Variants in MTAP observed in about 807,000 individuals in gnomAD.
The protein encoded by MTAP is S-methyl-5'-thioadenosine phosphorylase.
A neutral mutation model predicts 33.6 loss-of-function variants in MTAP; 33 were observed. The ratio of observed to expected loss-of-function variants is 0.98; its 90% confidence interval spans 0.74 to 1.31. The LOEUF is 1.31. MTAP is among the 40% of genes most tolerant of loss of function. The pLI is 0.00. For synonymous variants in MTAP, 148 were observed against 125.7 expected (o/e 1.18, Z -1.19); for missense variants, 367 against 360.0 (o/e 1.02, Z -0.16).
At chr9:21,852,509 C>CAA (rs10628807) in intron 5 of MTAP, among the ~76,000 whole-genome samples, 17,732 of 114,348 alleles carry the variant, frequency 0.16, 2,105 homozygotes, top group African/African-American at 0.34. Flanking sequence ...GACTCCATCT[C>CAA]AAAAAAAAAA....
chr9:21,919,703 T>C (rs1433859201), intron 1 of MTAP, among the ~76,000 whole-genome samples: 1 of 152,180 alleles, frequency 6.6e-6, no homozygotes, highest in African/African-American at 2.4e-5. Context: ...TGAAATACAC[T>C]GACAAGGTGA....
intron 4 of MTAP, among the ~76,000 whole-genome samples, chr9:21,827,835 G>A (rs929495872): frequency 1.3e-5 from 2 of 152,144 alleles, no homozygotes; most frequent in Admixed American, 6.5e-5. Flanking sequence ...GTGTTTGGAG[G>A]TAATAGTTTA....
chr9:21,822,753 G>T (rs188073173), intron 4 of MTAP, among the ~76,000 whole-genome samples: 324 of 152,268 alleles, frequency 2.1e-3, no homozygotes, highest in African/African-American at 7.7e-3. Context: ...CATTATTATT[G>T]TGTGGGAGTC....
chr9:21,901,964 A>G (rs1181082364), intron 1 of MTAP, among the ~76,000 whole-genome samples: 1 of 152,244 alleles, frequency 6.6e-6, no homozygotes, highest in Non-Finnish European at 1.5e-5. Context: ...ACAGTGTTCA[A>G]AAGTAGAAAT....
chr9:21,815,441 A>C lies in MTAP; in HGVS notation c.42A>C (p.Ile14=). 6.3e-7 allele frequency: 1 copy of C among 1,597,104 alleles called. No homozygotes were observed. Among genetic ancestry groups the C allele is most frequent in the Non-Finnish European group, 8.6e-7 (1 of 1,169,582 alleles). ...GTCTTTTTCTCTCTTAGATTGGAAT[A>C]ATTGGTGGAACAGGCCTGGATGATC... ...GTTTTAVKIG[I]IGGTGLDDPE... Residue 14 remains isoleucine, a synonymous_variant, in exon 2 of 8, where the codon ATA becomes ATC. Transcript: ENST00000644715.
intron 1 of MTAP, among the ~76,000 whole-genome samples, chr9:21,895,532 G>T (rs1818276202): frequency 6.6e-6 from 1 of 152,238 alleles, no homozygotes; most frequent in Non-Finnish European, 1.5e-5. Flanking sequence ...CCCGGGAAAT[G>T]CCAGGGGTCG....
At position 21,876,292 on chromosome 9, in the gene MTAP, C is replaced by G. The variant is rs146763885; in HGVS notation, c.147+21422C>G. ...AGATGTTTGTCAAATGCATAGTTTG[C>G]AAATATTTTCTCCCATTCTATAGGT... On this transcript the variant is annotated intron_variant, in intron 1 of 1. Transcript: ENST00000577563. 1.8e-3 allele frequency among the ~76,000 whole-genome samples: 278 copies of G among 152,150 alleles called. 1 individual carries two copies. Among genetic ancestry groups the G allele is most frequent in the African/African-American group, 6.3e-3 (262 of 41,518 alleles).
chr9:21,889,927 T>C (rs1427963020), intron 1 of MTAP, among the ~76,000 whole-genome samples: 1 of 152,158 alleles, frequency 6.6e-6, no homozygotes, highest in Non-Finnish European at 1.5e-5. Flanking sequence ...AAGACAGCAT[T>C]AGCTGATACA....
chr9:21,896,290 G>T (rs1223411907), intron 1 of MTAP, among the ~76,000 whole-genome samples: 1 of 152,098 alleles, frequency 6.6e-6, no homozygotes, highest in Non-Finnish European at 1.5e-5. Context: ...AAGCAGGAAA[G>T]ATCTAAAATT....
intron 1 of MTAP, among the ~76,000 whole-genome samples, chr9:21,808,321 A>C (rs1003986824): frequency 6.6e-6 from 1 of 152,076 alleles, no homozygotes; most frequent in Admixed American, 6.6e-5. Context: ...ATGGTGGCTC[A>C]TGCCTGTAAT....
At chr9:21,903,944 G>A (rs1220200127) in intron 1 of MTAP, among the ~76,000 whole-genome samples, 1 of 152,140 alleles carries the variant, frequency 6.6e-6, no homozygotes. Flanking sequence ...TCTGTATCCC[G>A]GGTTCTTGCC....
chr9:21,819,069 G>T (rs186705523), intron 4 of MTAP, among the ~76,000 whole-genome samples: 10 of 151,832 alleles, frequency 6.6e-5, no homozygotes, highest in South Asian at 4.2e-4. Context: ...CCATGTTGTG[G>T]CAATTGACAG....
intron 1 of MTAP, among the ~76,000 whole-genome samples, chr9:21,902,395 T>G (rs1416428289): frequency 6.6e-6 from 1 of 152,242 alleles, no homozygotes; most frequent in East Asian, 1.9e-4. Flanking sequence ...GCATCTGGTA[T>G]TTTTAGCTCC....
chr9:21,929,678 C>T (rs1362966944), intron 1 of MTAP: 2 of 247,394 alleles, frequency 8.1e-6, no homozygotes, highest in Non-Finnish European at 1.7e-5. Flanking sequence ...TTACGTATTT[C>T]CTCTCAACAG....
Position 21,802,639 on chromosome 9 carries a change from C to T in MTAP, c.-110C>T, listed in dbSNP as rs559475414. 49 of 1,270,682 alleles carry T rather than the reference C, an allele frequency of 3.9e-5. 1 individual carries two copies. In the South Asian group the frequency reaches 5.7e-4, roughly 15 times the overall value. 78.7% of individuals were successfully genotyped at this position (1,270,682 alleles called of 1,614,324 possible). A position where few individuals can be genotyped will look rare whatever the true frequency, so the allele number is the denominator to read the frequency against. On this transcript the variant is annotated 5_prime_UTR_variant, in exon 1 of 8. Transcript: ENST00000644715. Reference sequence around the variant, plus strand: ...GGAGTCAAGGCCCGCCCCTGGTCTCCGCACTGCTCACTCCCGCGCAGTGAG... The same window carrying T: ...GGAGTCAAGGCCCGCCCCTGGTCTCTGCACTGCTCACTCCCGCGCAGTGAG...
downstream of MTAP, chr9:21,932,112 C>T (rs1818970054): frequency 2.0e-5 from 3 of 152,162 alleles, no homozygotes; most frequent in South Asian, 6.2e-4. Flanking sequence ...ACTCCAACTG[C>T]TTCTTCCCTC....
At position 21,879,106 on chromosome 9, in the gene MTAP, T is replaced by C. The variant is rs139455045; in HGVS notation, c.147+24236T>C. Among the ~76,000 whole-genome samples the C allele has an allele frequency of 3.1e-3, 470 of 152,294 alleles. 1 individual carries two copies. The highest frequency in any genetic ancestry group is 4.8e-3 in the Non-Finnish European group (325 of 68,018). ...CAATGTTGAGTTCAGGTCCTGAATA[T>C]GTTTGTTAATTTTCTTCCTTGATGT... is the stretch of plus-strand genomic sequence containing the variant. On this transcript the variant is annotated intron_variant, in intron 1 of 1. Transcript: ENST00000577563.
chr9:21,879,898 G>A (rs1178454367), intron 1 of MTAP, among the ~76,000 whole-genome samples: 2 of 152,072 alleles, frequency 1.3e-5, no homozygotes, highest in Non-Finnish European at 2.9e-5. Flanking sequence ...CATCTGAGAG[G>A]TCCACTGTTA....
rs2118577454 is a variant in MTAP, at chr9:21,862,257, A to T, written c.*243A>T. The stretch of plus-strand genomic sequence containing the variant: ...CATGTGGGAAAAAATATTACATTTT[A>T]AGGGGGAAAAAAAAACCCACCATTC... On this transcript the variant is annotated 3_prime_UTR_variant, in exon 8 of 8. Transcript: ENST00000644715. The T allele has an allele frequency of 9.9e-7, 1 of 1,005,078 alleles. No homozygotes were observed. The highest frequency in any genetic ancestry group is 1.7e-5 in the African/African-American group (1 of 59,510). The allele number at this position is 1,005,078 out of a possible 1,614,324, so 62.3% of individuals were successfully genotyped here. A position where few individuals can be genotyped will look rare whatever the true frequency, so the allele number is the denominator to read the frequency against.
Sources: allele counts gnomAD v4.1 joint callset (sites outside exome capture counted in the v4.1 genomes callset), GRCh38; gene constraint gnomAD v4.1.1; transcripts MANE v1.5; gene names NCBI Gene and HGNC (gene_info 2026-07-23, HGNC 2026-07-21).